Variants in DCUN1D1 observed in about 807,000 individuals in gnomAD.
DCUN1D1 encodes the protein DCN1-like protein 1.
Under a neutral mutation model 39.0 loss-of-function variants are expected in DCUN1D1, and 3 were observed. The observed-to-expected ratio is 0.08, with a 90% CI of 0.04 to 0.20. The LOEUF (loss-of-function observed/expected upper bound fraction) is 0.20, where lower values mean the gene tolerates loss of function less well. Ranked by LOEUF, DCUN1D1 falls within the 10% of genes least tolerant of loss-of-function variation. The pLI, the probability that DCUN1D1 is intolerant of heterozygous loss-of-function variation, is 1.00. For synonymous variants in DCUN1D1, 82 were observed against 96.3 expected, an observed-to-expected ratio of 0.85 and a Z score of 0.87; for missense variants, 158 against 302.4, an observed-to-expected ratio of 0.52 and a Z score of 3.54.
chr3:182,958,531 A>G (rs534594149), intron 4 of DCUN1D1, among the ~76,000 whole-genome samples: 1 of 152,316 alleles, frequency 6.6e-6, no homozygotes, highest in African/African-American at 2.4e-5. Flanking sequence ...ATTGTAGTTA[A>G]ATACATATAA....
chr3:182,985,272 AC>A (rs573505778), upstream of DCUN1D1, among the ~76,000 whole-genome samples: 1 of 152,022 alleles, frequency 6.6e-6, no homozygotes, highest in African/African-American at 2.4e-5. Context: ...CTTTTGGCTC[AC>A]CCCCCAGTGT....
intron 1 of DCUN1D1, among the ~76,000 whole-genome samples, chr3:182,978,053 A>AC (rs1491274406): frequency 2.4e-5 from 3 of 122,906 alleles, no homozygotes; most frequent in South Asian, 5.6e-4. Context: ...AAAAAAAAAA[A>AC]CAACAACAAC....
chr3:182,965,484 C>T, intron 2 of DCUN1D1, 53 bp downstream of exon 2: 1 of 1,235,902 alleles, frequency 8.1e-7, no homozygotes, highest in South Asian at 1.3e-5. Flanking sequence ...ATAAGCCCAT[C>T]TCTTTGGAAA....
chr3:182,977,683 C>A (rs1480079985), intron 1 of DCUN1D1, among the ~76,000 whole-genome samples: 1 of 152,006 alleles, frequency 6.6e-6, no homozygotes, highest in Non-Finnish European at 1.5e-5. Context: ...ATCCGCCCAC[C>A]TTGGCCTCCC....
In DCUN1D1 at chr3:182,944,674, T is replaced by C. The variant is rs2108619051; in HGVS notation, c.*420A>G. ...GTCTTTGCAACTAGCCCAAAGCGTA[T>C]ATTTAAGAAGTTTTTATAAATTGTT... On this transcript the variant is annotated 3_prime_UTR_variant, in exon 7 of 7. Transcript: ENST00000292782. The C allele has an allele frequency of 6.4e-6, 1 of 155,662 alleles. No homozygotes were observed. The highest frequency in any genetic ancestry group is 2.0e-4 in the South Asian group (1 of 5,040). 9.6% of individuals were successfully genotyped at this position (155,662 alleles called of 1,614,324 possible).
At chr3:182,981,353 G>A (rs1422812343), upstream of DCUN1D1, among the ~76,000 whole-genome samples, 1 of 152,202 alleles carries the variant, frequency 6.6e-6, no homozygotes, top group East Asian at 1.9e-4. Context: ...TGAGGGTCTA[G>A]TCACGCAGGG....
intron 1 of DCUN1D1, among the ~76,000 whole-genome samples, chr3:182,976,072 G>T (rs1452818537): frequency 1.3e-5 from 2 of 152,066 alleles, no homozygotes; most frequent in Non-Finnish European, 2.9e-5. Context: ...AGGTTTGGTT[G>T]TGTTTTTATT....
At chr3:182,963,823 TGACATAATTCAGTTC>T (rs2108375742) in intron 3 of DCUN1D1, 43 bp downstream of exon 3, 1 of 1,398,912 alleles carries the variant, frequency 7.1e-7, no homozygotes, top group Admixed American at 2.1e-5. Context: ...AAAAAGTTCA[TGACATAATTCAGTTC>T]CACAGTAACA....
chr3:182,980,504 G>T lies in DCUN1D1; in HGVS notation c.-15C>A. On this transcript the variant is annotated 5_prime_UTR_variant, in exon 1 of 7. The change creates a new upstream start codon in the 5' untranslated region. Coordinates refer to ENST00000292782, the MANE Select transcript of DCUN1D1 (RefSeq NM_020640.4). The stretch of plus-strand genomic sequence containing the variant: ...TGCCTCACCATGTTGGTGTCCTCCA[G>T]GCCTCTCCCCTCCTCCTCCGGCTCC... The T allele has an allele frequency of 8.0e-7, 1 of 1,243,622 alleles. No homozygotes were observed. Among genetic ancestry groups the T allele is most frequent in the Non-Finnish European group, 1.0e-6 (1 of 973,384 alleles). 77.0% of individuals were successfully genotyped at this position (1,243,622 alleles called of 1,614,324 possible).
upstream of DCUN1D1, chr3:182,980,643 G>C: frequency 1.0e-6 from 1 of 979,712 alleles, no homozygotes; most frequent in Non-Finnish European, 1.2e-6. Flanking sequence ...CCCGGACCTC[G>C]GGGAGGCGGA....
upstream of DCUN1D1, among the ~76,000 whole-genome samples, chr3:182,983,008 T>C (rs1728610336): frequency 6.6e-6 from 1 of 152,094 alleles, no homozygotes; most frequent in South Asian, 2.1e-4. Flanking sequence ...CTCTACTCCT[T>C]CTCCACTGCT....
intron 4 of DCUN1D1, among the ~76,000 whole-genome samples, chr3:182,957,499 C>T (rs1009403306): frequency 4.0e-5 from 6 of 151,744 alleles, no homozygotes; most frequent in Non-Finnish European, 8.8e-5. Context: ...TGGTGGCACA[C>T]GCCTGTAGTC....
chr3:182,971,820 A>G (rs530402162), intron 1 of DCUN1D1, among the ~76,000 whole-genome samples: 25 of 152,318 alleles, frequency 1.6e-4, no homozygotes, highest in African/African-American at 5.5e-4. Context: ...CAAGGCATGC[A>G]GTCTCGCCAT....
At chr3:182,947,951 G>T (rs968808534) in intron 4 of DCUN1D1, among the ~76,000 whole-genome samples, 4 of 152,202 alleles carry the variant, frequency 2.6e-5, no homozygotes, top group African/African-American at 7.2e-5. Context: ...GTACACCAGG[G>T]TTTCTCAACC....
At chr3:182,948,723 C>G (rs1299373694) in intron 4 of DCUN1D1, among the ~76,000 whole-genome samples, 9 of 152,048 alleles carry the variant, frequency 5.9e-5, no homozygotes, top group Admixed American at 5.9e-4. Context: ...TTAGGAAAGA[C>G]AAAAATTGAG....
At chr3:182,955,149 T>C (rs560920372) in intron 4 of DCUN1D1, among the ~76,000 whole-genome samples, 73 of 152,174 alleles carry the variant, frequency 4.8e-4, no homozygotes, top group African/African-American at 1.7e-3. Flanking sequence ...CAAGGGATTC[T>C]CCTGCCTCAG....
intron 6 of DCUN1D1, among the ~76,000 whole-genome samples, chr3:182,945,782 G>A (rs912757066): frequency 6.6e-6 from 1 of 152,028 alleles, no homozygotes; most frequent in African/African-American, 2.4e-5. Flanking sequence ...GTTACTAAAA[G>A]GTGTAAAATT....
chr3:182,972,050 G>GTTTTTT (rs397877483), intron 1 of DCUN1D1, among the ~76,000 whole-genome samples: 7 of 108,862 alleles, frequency 6.4e-5, no homozygotes, highest in African/African-American at 9.7e-5. Context: ...TCTATTTAGG[G>GTTTTTT]TTTTTTTTTT....
chr3:182,979,607 C>CCA (rs1728420210), intron 1 of DCUN1D1, among the ~76,000 whole-genome samples: 1 of 148,240 alleles, frequency 6.7e-6, no homozygotes, highest in South Asian at 2.2e-4. Flanking sequence ...TTTTCCCCCC[C>CCA]CCAAACAAAA....
Sources: gnomAD v4.1 joint callset for allele counts (sites outside exome capture counted in the v4.1 genomes callset) on GRCh38, gnomAD v4.1.1 for gene constraint, MANE v1.5 for transcripts, NCBI Gene and HGNC (gene_info 2026-07-23, HGNC 2026-07-21) for gene names.